Variants in CENPP observed in about 807,000 individuals in gnomAD.
CENPP encodes centromere protein P.
Under a neutral mutation model 35.6 loss-of-function variants are expected in CENPP, and 24 were observed. That is an observed-to-expected ratio of 0.67 (90% CI 0.49 to 0.95). CENPP has a LOEUF of 0.95. Among genes scored for constraint, CENPP ranks in the 40% least tolerant of loss-of-function variants. The pLI is 0.00. For synonymous variants in CENPP, 120 were observed against 125.5 expected, an observed-to-expected ratio of 0.96 and a Z score of 0.29; for missense variants, 332 against 345.3, an observed-to-expected ratio of 0.96 and a Z score of 0.31.
chr9:92,366,802 C>T (rs777852168), intron 4 of CENPP, among the ~76,000 whole-genome samples: 6 of 152,122 alleles, frequency 3.9e-5, no homozygotes, highest in East Asian at 1.9e-4. Flanking sequence ...GAGAGGATCA[C>T]GATTCAGTTA....
At chr9:92,570,080 C>T (rs991571399) in intron 5 of CENPP, among the ~76,000 whole-genome samples, 2 of 152,040 alleles carry the variant, frequency 1.3e-5, no homozygotes, top group African/African-American at 4.8e-5. Flanking sequence ...TTTCTTTCTC[C>T]CGCCTGATTG....
intron 5 of CENPP, among the ~76,000 whole-genome samples, chr9:92,502,295 A>G (rs1297767079): frequency 6.6e-6 from 1 of 152,200 alleles, no homozygotes; most frequent in Admixed American, 6.5e-5. Flanking sequence ...AGTTACTGCA[A>G]TAATCCTAAC....
At chr9:92,412,902 GGTGTGAACAT>G (rs1254350915) in intron 5 of CENPP, among the ~76,000 whole-genome samples, 1 of 150,786 alleles carries the variant, frequency 6.6e-6, no homozygotes, top group Non-Finnish European at 1.5e-5. Context: ...TGCAAATTTT[GGTGTGAACAT>G]GTGTGTTCAG....
intron 5 of CENPP, among the ~76,000 whole-genome samples, chr9:92,501,866 C>A (rs189201797): frequency 3.3e-5 from 5 of 152,362 alleles, no homozygotes; most frequent in African/African-American, 1.2e-4. Context: ...ACTCCCTCCC[C>A]CTTCACTGAA....
chr9:92,604,258 G>A (rs896851081), intron 5 of CENPP, among the ~76,000 whole-genome samples: 7 of 152,138 alleles, frequency 4.6e-5, no homozygotes, highest in East Asian at 3.9e-4. Flanking sequence ...TGGCATCACC[G>A]TGTGGTTTTA....
At chr9:92,429,044 T>C (rs1046027740) in intron 5 of CENPP, among the ~76,000 whole-genome samples, 1 of 152,202 alleles carries the variant, frequency 6.6e-6, no homozygotes, top group African/African-American at 2.4e-5. Flanking sequence ...ATGAATGTAA[T>C]TATTTGTCTG....
rs558400275 is a variant in CENPP, at chr9:92,570,102, G to A, written c.565-41212G>A. Among the ~76,000 whole-genome samples, 127 of 152,170 alleles carry A rather than the reference G, an allele frequency of 8.3e-4. 1 individual carries two copies. Among genetic ancestry groups the A allele is most frequent in the African/African-American group, 2.8e-3 (117 of 41,526 alleles). On this transcript the variant is annotated intron_variant, in intron 5 of 7. Coordinates refer to ENST00000375587, the MANE Select transcript of CENPP (RefSeq NM_001012267.3). ...CTCCCGCCTGATTGCTCTGGCCAGAGCTTCCAACACTATGTTGAATAGGAG... is the reference window on the plus strand; with the variant it reads ...CTCCCGCCTGATTGCTCTGGCCAGAACTTCCAACACTATGTTGAATAGGAG...
chr9:92,439,828 C>A (rs1844342137), intron 5 of CENPP, among the ~76,000 whole-genome samples: 1 of 152,114 alleles, frequency 6.6e-6, no homozygotes, highest in African/African-American at 2.4e-5. Context: ...ACTCTTTGAT[C>A]TTCAAAGTAG....
intron 5 of CENPP, among the ~76,000 whole-genome samples, chr9:92,436,474 C>G (rs892653280): frequency 6.6e-6 from 1 of 152,158 alleles, no homozygotes; most frequent in African/African-American, 2.4e-5. Flanking sequence ...TCTAAGAACT[C>G]TTTACAAAGT....
chr9:92,510,755 T>C (rs1029714555), intron 5 of CENPP, among the ~76,000 whole-genome samples: 7 of 152,216 alleles, frequency 4.6e-5, no homozygotes, highest in African/African-American at 1.7e-4. Flanking sequence ...GGACAGAGAA[T>C]TCCAAAGCAA....
intron 4 of CENPP, among the ~76,000 whole-genome samples, chr9:92,359,712 T>A (rs754558122): frequency 1.3e-5 from 2 of 151,966 alleles, no homozygotes; most frequent in Non-Finnish European, 2.9e-5. Context: ...AATGGCTGCC[T>A]GACTCTTTGT....
intron 5 of CENPP, among the ~76,000 whole-genome samples, chr9:92,494,871 C>T (rs899941532): frequency 6.6e-6 from 1 of 152,102 alleles, no homozygotes; most frequent in Non-Finnish European, 1.5e-5. Flanking sequence ...TGCACCACTG[C>T]ACTCCAGCCT....
At chr9:92,393,614 A>G in intron 5 of CENPP, among the ~76,000 whole-genome samples, 1 of 152,226 alleles carries the variant, frequency 6.6e-6, no homozygotes, top group Non-Finnish European at 1.5e-5. Context: ...GCTAGACTTT[A>G]GTAACCACTA....
intron 5 of CENPP, chr9:92,510,052 A>G: frequency 6.3e-7 from 1 of 1,584,148 alleles, no homozygotes; most frequent in Non-Finnish European, 8.5e-7. Context: ...AGCAAATCTC[A>G]AAGTTACTTT....
rs557145091 is a variant in CENPP at position 92,476,951 on chromosome 9, T to C, written c.564+97092T>C. 2.0e-5 allele frequency among the ~76,000 whole-genome samples: 3 copies of C among 152,364 alleles called. No individual in the cohort carries two copies. Among genetic ancestry groups the C allele is most frequent in the Admixed American group, 2.0e-4 (3 of 15,302 alleles). On this transcript the variant is annotated intron_variant, in intron 5 of 7. Transcript: ENST00000375587. The surrounding 1 kb of genome is among the most constrained non-coding windows in gnomAD (Gnocchi z 4.1). Reference sequence around the variant, plus strand: ...GTCATTTTTTCTTATCTAACCAGTATACAAATTACTGTTCTGTACACATCT... The same window carrying C: ...GTCATTTTTTCTTATCTAACCAGTACACAAATTACTGTTCTGTACACATCT...
chr9:92,501,962 T>A (rs951481091), intron 5 of CENPP, among the ~76,000 whole-genome samples: 1 of 152,234 alleles, frequency 6.6e-6, no homozygotes, highest in Admixed American at 6.5e-5. Context: ...TTCTTCAGTC[T>A]ATTTTGTAAG....
In CENPP at chr9:92,411,228, T is replaced by G. The variant is rs542867399; in HGVS notation, c.564+31369T>G. Among the ~76,000 whole-genome samples, 8 of 152,290 alleles carry G rather than the reference T, an allele frequency of 5.3e-5. No homozygotes were observed. The East Asian group carries it at 1.5e-3, about 29-fold the overall frequency. ...ACCTCGTGATCTGCCCTCCTCGGCC[T>G]CCCAAAGTGCTGGGATTACAGATGT... On this transcript the variant is annotated intron_variant, in intron 5 of 7. Transcript: ENST00000375587.
intron 5 of CENPP, among the ~76,000 whole-genome samples, chr9:92,381,321 T>TCACCCAGGC (rs899448921): frequency 6.6e-5 from 10 of 151,352 alleles, no homozygotes; most frequent in African/African-American, 2.4e-4. Context: ...TCTCACTCTG[T>TCACCCAGGC]CACCCAGGCT....
At chr9:92,456,602 A>AT (rs1159725458) in intron 5 of CENPP, 4 of 152,440 alleles carry the variant, frequency 2.6e-5, no homozygotes, top group African/African-American at 9.7e-5. Context: ...TTTTACAGAG[A>AT]TTTTTAAATC....
Sources: gnomAD v4.1 joint callset for allele counts (sites outside exome capture counted in the v4.1 genomes callset) on GRCh38, gnomAD v4.1.1 for gene constraint, Gnocchi (gnomAD v3.1) non-coding constraint, MANE v1.5 for transcripts, NCBI Gene and HGNC (gene_info 2026-07-23, HGNC 2026-07-21) for gene names.